BTBD9: variants seen among roughly 807,000 people sequenced by gnomAD.
BTBD9 encodes the protein BTB/POZ domain-containing protein 9.
A neutral mutation model predicts 64.3 loss-of-function variants in BTBD9; 49 were observed. That is an observed-to-expected ratio of 0.76 (90% CI 0.61 to 0.97). The LOEUF (loss-of-function observed/expected upper bound fraction) is 0.97. BTBD9 is among the 50% of genes least tolerant of loss of function. The probability of loss-of-function intolerance (pLI) is 0.00; values close to 1 mark genes in which losing one functional copy is unlikely to be tolerated. For missense variants in BTBD9, 598 were observed against 762.1 expected (o/e 0.78, Z 2.53); for synonymous variants, 260 against 274.7 (o/e 0.95, Z 0.53).
intron 6 of BTBD9, among the ~76,000 whole-genome samples, chr6:38,537,209 T>TG (rs1562311652): frequency 2.0e-5 from 3 of 152,198 alleles, no homozygotes; most frequent in African/African-American, 7.2e-5. Flanking sequence ...ACAGGAATTA[T>TG]GGGGGTGCTT....
At chr6:38,270,504 T>C (rs536618225) in intron 8 of BTBD9, among the ~76,000 whole-genome samples, 2 of 152,294 alleles carry the variant, frequency 1.3e-5, no homozygotes, top group South Asian at 4.1e-4. Context: ...AGAGCCAGCA[T>C]TGATATTCCT....
intron 9 of BTBD9, among the ~76,000 whole-genome samples, chr6:38,244,068 G>A (rs753805585): frequency 3.9e-5 from 6 of 152,206 alleles, no homozygotes; most frequent in African/African-American, 9.6e-5. Context: ...AGATCAAAAC[G>A]ACCATGCCTT....
chr6:38,587,853 A>G, intron 4 of BTBD9: 1 of 721,128 alleles, frequency 1.4e-6, no homozygotes. Flanking sequence ...TTAAAAAACC[A>G]AGATGAAATA....
At chr6:38,622,892 A>G (rs1778035875) in intron 1 of BTBD9, among the ~76,000 whole-genome samples, 1 of 152,088 alleles carries the variant, frequency 6.6e-6, no homozygotes, top group African/African-American at 2.4e-5. Flanking sequence ...TCATCCCTGC[A>G]ATCCCTGCAG....
intron 7 of BTBD9, among the ~76,000 whole-genome samples, chr6:38,311,642 T>C (rs889337274): frequency 2.0e-5 from 3 of 152,232 alleles, no homozygotes; most frequent in Non-Finnish European, 4.4e-5. Flanking sequence ...TTTTAGTTTT[T>C]TGAGGAACCT....
chr6:38,516,450 A>C (rs1773031080), intron 6 of BTBD9, among the ~76,000 whole-genome samples: 1 of 152,228 alleles, frequency 6.6e-6, no homozygotes, highest in South Asian at 2.1e-4. Context: ...TGGATGGCAC[A>C]AACTACAGAC....
intron 6 of BTBD9, among the ~76,000 whole-genome samples, chr6:38,445,958 C>T (rs1769257967): frequency 6.6e-6 from 1 of 152,176 alleles, no homozygotes; most frequent in South Asian, 2.1e-4. Flanking sequence ...TTTCTAGAAG[C>T]ACATAATTTA....
intron 6 of BTBD9, among the ~76,000 whole-genome samples, chr6:38,393,752 T>C (rs1766539638): frequency 6.6e-6 from 1 of 152,244 alleles, no homozygotes; most frequent in Non-Finnish European, 1.5e-5. Context: ...ATGTCTGCAA[T>C]ATTTGACAAT....
intron 9 of BTBD9, among the ~76,000 whole-genome samples, chr6:38,214,773 A>C (rs922545860): frequency 2.6e-5 from 4 of 152,180 alleles, no homozygotes; most frequent in African/African-American, 9.7e-5. Context: ...GTCAGGGCTA[A>C]GATATCAAGC....
intron 9 of BTBD9, among the ~76,000 whole-genome samples, chr6:38,202,886 A>C (rs904789722): frequency 6.6e-6 from 1 of 152,232 alleles, no homozygotes; most frequent in African/African-American, 2.4e-5. Context: ...ATGCACAGCA[A>C]AGTAAATAAT....
rs1001731788 is a variant in BTBD9, at chr6:38,515,334, G to C, written c.1154+62266C>G. On this transcript the variant is annotated intron_variant, in intron 6 of 10. Coordinates refer to ENST00000481247, the MANE Select transcript of BTBD9 (RefSeq NM_001099272.2). ...CAGTCAACATTTCCTCTTACATCAT[G>C]ACAACTTCATACAAACAGAGCCTGG... Among the ~76,000 whole-genome samples, 8 of 152,248 alleles carry C rather than the reference G, an allele frequency of 5.3e-5. No individual in the cohort carries two copies. In the East Asian group the frequency reaches 1.5e-3, roughly 29 times the overall value.
intron 10 of BTBD9, among the ~76,000 whole-genome samples, chr6:38,191,962 A>G (rs1228961258): frequency 6.6e-6 from 1 of 152,252 alleles, no homozygotes; most frequent in Non-Finnish European, 1.5e-5. Context: ...CCAATCCTGC[A>G]TAAATCTGAG....
chr6:38,347,176 T>C (rs767763779), intron 6 of BTBD9, among the ~76,000 whole-genome samples: 52 of 152,210 alleles, frequency 3.4e-4, no homozygotes, highest in Non-Finnish European at 5.6e-4. Flanking sequence ...CGAGAAAATG[T>C]GCAACCCTCC....
intron 4 of BTBD9, chr6:38,588,153 CA>C: frequency 1.3e-6 from 1 of 758,548 alleles, no homozygotes; most frequent in East Asian, 2.4e-5. Flanking sequence ...ATTCAGTATT[CA>C]AAAAGCCAGA....
At chr6:38,331,494 G>C (rs1004949368) in intron 7 of BTBD9, among the ~76,000 whole-genome samples, 2 of 152,054 alleles carry the variant, frequency 1.3e-5, no homozygotes, top group East Asian at 1.9e-4. Context: ...AAAAAAAGAG[G>C]GGGGGCCAAG....
chr6:38,578,651 C>A (rs1776156254), intron 5 of BTBD9, among the ~76,000 whole-genome samples: 1 of 152,266 alleles, frequency 6.6e-6, no homozygotes, highest in South Asian at 2.1e-4. Context: ...TGGTTATAAC[C>A]TTTTATTGAA....
chr6:38,596,662 G>A (rs1369796773), intron 2 of BTBD9, among the ~76,000 whole-genome samples: 5 of 152,042 alleles, frequency 3.3e-5, no homozygotes, highest in East Asian at 1.9e-4. Context: ...TTAGCCGAGC[G>A]TGGTGGCAGG....
chr6:38,417,242 G>A (rs1174222978), intron 6 of BTBD9, among the ~76,000 whole-genome samples: 1 of 152,164 alleles, frequency 6.6e-6, no homozygotes, highest in Admixed American at 6.5e-5. Flanking sequence ...CCCTGCCCAC[G>A]CTGACCTCTT....
chr6:38,564,217 T>A (rs191647390), intron 6 of BTBD9, among the ~76,000 whole-genome samples: 1 of 152,192 alleles, frequency 6.6e-6, no homozygotes, highest in Non-Finnish European at 1.5e-5. Flanking sequence ...TCCACATTTA[T>A]CACAGCTTTC....
Sources: allele counts gnomAD v4.1 joint callset (sites outside exome capture counted in the v4.1 genomes callset), GRCh38; gene constraint gnomAD v4.1.1; transcripts MANE v1.5; gene names NCBI Gene and HGNC (gene_info 2026-07-23, HGNC 2026-07-21).